The following CPA6 variants were observed in gnomAD, a reference collection of about 807,000 sequenced individuals.
CPA6 encodes the protein carboxypeptidase B.
CPA6 carries 58 observed loss-of-function variants against 63.3 expected under a neutral mutation model. That is an observed-to-expected ratio of 0.92 (90% CI 0.74 to 1.14). CPA6 has a LOEUF of 1.14. CPA6 is among the 50% of genes most tolerant of loss of function. The pLI is 0.00. For missense variants in CPA6, 565 were observed against 526.6 expected (o/e 1.07, Z -0.71); for synonymous variants, 185 against 179.0 (o/e 1.03, Z -0.27).
intron 3 of CPA6, among the ~76,000 whole-genome samples, chr8:67,512,687 C>A (rs1278680191): frequency 6.6e-6 from 1 of 152,078 alleles, no homozygotes; most frequent in African/African-American, 2.4e-5. Flanking sequence ...TTAGAAAGCC[C>A]CCCAGTGATT....
chr8:67,611,766 C>T (rs185107707), intron 2 of CPA6, among the ~76,000 whole-genome samples: 3 of 152,220 alleles, frequency 2.0e-5, no homozygotes, highest in South Asian at 4.1e-4. Context: ...GTGACACTTA[C>T]TCTCTGGCAA....
chr8:67,475,829 TTCTTTCTTTCTTTCTTTCTTTC>T (rs1811185359), intron 8 of CPA6, among the ~76,000 whole-genome samples: 1 of 65,196 alleles, frequency 1.5e-5, no homozygotes, highest in African/African-American at 7.3e-5. Context: ...TTTCTTTTCT[TTCTTTCTTTCTTTCTTTCTTTC>T]TTTCTTTCTT....
rs140227468 is a variant in CPA6 at position 67,620,465 on chromosome 8, G to A, written c.192+3711C>T. On this transcript the variant is annotated intron_variant, in intron 2 of 10. Transcript: ENST00000297770. Reference sequence around the variant, plus strand: ...TTCTGTCTATCACAGTGTGATTTAGGGAAGGAAGGCAACTAAAGGTCTTCT... The same window carrying A: ...TTCTGTCTATCACAGTGTGATTTAGAGAAGGAAGGCAACTAAAGGTCTTCT... Among the ~76,000 whole-genome samples, 547 of 152,220 alleles carry A rather than the reference G, an allele frequency of 3.6e-3. 3 individuals are homozygous for A. The highest frequency in any genetic ancestry group is 0.012 in the African/African-American group (504 of 41,542).
intron 1 of CPA6, among the ~76,000 whole-genome samples, chr8:67,638,559 CAA>C (rs1158570286): frequency 2.0e-5 from 3 of 151,484 alleles, no homozygotes; most frequent in East Asian, 3.9e-4. Flanking sequence ...GTCCTGGCTG[CAA>C]AGTGTTGCCT....
chr8:67,662,568 AATAC>A (rs1276043875), intron 1 of CPA6, among the ~76,000 whole-genome samples: 1 of 116,800 alleles, frequency 8.6e-6, no homozygotes, highest in Admixed American at 8.3e-5. Flanking sequence ...GTATATATAG[AATAC>A]ATACACATGT....
At chr8:67,508,339 T>G (rs1371563739) in intron 5 of CPA6, among the ~76,000 whole-genome samples, 2 of 151,988 alleles carry the variant, frequency 1.3e-5, no homozygotes, top group Non-Finnish European at 2.9e-5. Context: ...GTTTCTGAAT[T>G]GGGAGGAGAG....
chr8:67,735,552 T>C (rs573834270), intron 1 of CPA6: 1 of 152,222 alleles, frequency 6.6e-6, no homozygotes, highest in Non-Finnish European at 1.5e-5. Flanking sequence ...TGACAGGATG[T>C]GTCTACATGA....
chr8:67,720,336 C>T (rs138553088), intron 1 of CPA6, among the ~76,000 whole-genome samples: 5,274 of 152,262 alleles, frequency 0.035, 124 homozygotes, highest in Non-Finnish European at 0.047. Flanking sequence ...TGTGATTCTT[C>T]AGTTACTTCA....
At chr8:67,693,206 C>G (rs1816848261) in intron 1 of CPA6, among the ~76,000 whole-genome samples, 1 of 152,190 alleles carries the variant, frequency 6.6e-6, no homozygotes, top group African/African-American at 2.4e-5. Flanking sequence ...TTTCTTTATT[C>G]TATAGCACTA....
chr8:67,635,617 A>G (rs1233043828), intron 1 of CPA6, among the ~76,000 whole-genome samples: 1 of 151,572 alleles, frequency 6.6e-6, no homozygotes, highest in Non-Finnish European at 1.5e-5. Flanking sequence ...AAAATACAAA[A>G]TTAGCTGGGC....
intron 1 of CPA6, chr8:67,735,492 A>C (rs1254483211): frequency 2.6e-4 from 40 of 152,234 alleles, no homozygotes; most frequent in Admixed American, 2.6e-3. Flanking sequence ...TCAGTCTTTT[A>C]CTTAATTCCT....
chr8:67,561,558 T>C (rs1222275505), intron 2 of CPA6, among the ~76,000 whole-genome samples: 1 of 152,040 alleles, frequency 6.6e-6, no homozygotes, highest in Non-Finnish European at 1.5e-5. Flanking sequence ...AGTATCAAGG[T>C]CATGAAAGTC....
At chr8:67,485,173 G>T (rs1811450248) in intron 6 of CPA6, among the ~76,000 whole-genome samples, 1 of 152,160 alleles carries the variant, frequency 6.6e-6, no homozygotes, top group African/African-American at 2.4e-5. Flanking sequence ...TTACACAATA[G>T]ATCATAGCAC....
intron 2 of CPA6, among the ~76,000 whole-genome samples, chr8:67,585,859 G>A (rs766685588): frequency 9.9e-5 from 15 of 152,058 alleles, no homozygotes; most frequent in African/African-American, 3.1e-4. Flanking sequence ...TTAATGGTAG[G>A]GGGTAAGGCA....
At chr8:67,593,384 G>T (rs1380667867) in intron 2 of CPA6, among the ~76,000 whole-genome samples, 1 of 152,056 alleles carries the variant, frequency 6.6e-6, no homozygotes, top group African/African-American at 2.4e-5. Flanking sequence ...GGAGAGTTCT[G>T]TAGATGTCTA....
intron 8 of CPA6, among the ~76,000 whole-genome samples, chr8:67,475,863 CTT>C (rs1370889634): frequency 0.023 from 1,861 of 80,472 alleles, 54 homozygotes; most frequent in African/African-American, 0.026. Context: ...TTCTTTCTTT[CTT>C]TCTTTCTTTC....
intron 1 of CPA6, among the ~76,000 whole-genome samples, chr8:67,691,481 A>G (rs1490894067): frequency 1.3e-5 from 2 of 152,202 alleles, no homozygotes; most frequent in Non-Finnish European, 2.9e-5. Context: ...TTGCTGAAGG[A>G]TGCAGAGGAT....
At chr8:67,626,805 T>C (rs1027923317) in intron 1 of CPA6, among the ~76,000 whole-genome samples, 1 of 152,136 alleles carries the variant, frequency 6.6e-6, no homozygotes, top group South Asian at 2.1e-4. Flanking sequence ...ATCTGGGGCC[T>C]TGTCAGCTCC....
At chr8:67,666,146 T>A (rs1352860996) in intron 1 of CPA6, among the ~76,000 whole-genome samples, 2 of 152,218 alleles carry the variant, frequency 1.3e-5, no homozygotes, top group African/African-American at 4.8e-5. Flanking sequence ...AGACATGACC[T>A]CTTCAAGAGT....
Sources: gnomAD v4.1 joint callset for allele counts (sites outside exome capture counted in the v4.1 genomes callset) on GRCh38, gnomAD v4.1.1 for gene constraint, MANE v1.5 for transcripts, NCBI Gene and HGNC (gene_info 2026-07-23, HGNC 2026-07-21) for gene names.